Variants in CAGE1 observed in about 807,000 individuals in gnomAD.
The protein encoded by CAGE1 is cancer antigen 1.
A neutral mutation model predicts 94.9 loss-of-function variants in CAGE1; 66 were observed. The observed-to-expected ratio is 0.70, with a 90% CI of 0.57 to 0.85. The LOEUF (loss-of-function observed/expected upper bound fraction) is 0.85, where lower values mean the gene tolerates loss of function less well. Ranked by LOEUF, CAGE1 falls within the 40% of genes least tolerant of loss-of-function variation. CAGE1 has a pLI of 0.00. For missense variants in CAGE1, 865 were observed against 950.4 expected, an observed-to-expected ratio of 0.91 and a Z score of 1.18; for synonymous variants, 319 against 321.0, an observed-to-expected ratio of 0.99 and a Z score of 0.07.
At chr6:7,345,450 G>A (rs1759440655) in intron 11 of CAGE1, among the ~76,000 whole-genome samples, 1 of 152,188 alleles carries the variant, frequency 6.6e-6, no homozygotes, top group East Asian at 1.9e-4. Context: ...TTCTTGAAGT[G>A]AGACCAAGTA....
chr6:7,381,509 T>C (rs1041031125), intron 3 of CAGE1, among the ~76,000 whole-genome samples: 1 of 151,254 alleles, frequency 6.6e-6, no homozygotes, highest in African/African-American at 2.4e-5. Flanking sequence ...CTAATACATA[T>C]ACTTTGCCTG....
At chr6:7,366,943 T>C (rs530444920) in intron 7 of CAGE1, among the ~76,000 whole-genome samples, 1 of 152,334 alleles carries the variant, frequency 6.6e-6, no homozygotes, top group East Asian at 1.9e-4. Context: ...TATAATCATT[T>C]CTTATTTATT....
At chr6:7,386,576 T>C (rs1382314028) in intron 2 of CAGE1, among the ~76,000 whole-genome samples, 2 of 152,166 alleles carry the variant, frequency 1.3e-5, no homozygotes, top group East Asian at 3.9e-4. Flanking sequence ...CACTCCTGGC[T>C]AGAAAGGATC....
chr6:7,367,278 A>ATT (rs70978961), intron 7 of CAGE1, among the ~76,000 whole-genome samples: 12 of 111,220 alleles, frequency 1.1e-4, no homozygotes, highest in South Asian at 3.0e-4. Flanking sequence ...TATTTGGGGG[A>ATT]TTTTTTTTTT....
At position 7,373,473 on chromosome 6, in the gene CAGE1, T is replaced by G. The variant is rs565404738; in HGVS notation, c.1346A>C (p.Glu449Ala). The change falls in exon 5 of 14, where the codon GAA becomes GCA. Residue 449 changes from glutamate to alanine, a missense_variant. Transcript: ENST00000502583. ...LEMDKTLSKKEEEVERLQQLK... is the reference protein window; with the variant it reads ...LEMDKTLSKKAEEVERLQQLK... ...TTGTTGTAGTCTCTCTACCTCTTCT[T>G]CTTTCTTGCTTAAGGTTTTGTCCAT... The G allele has an allele frequency of 1.2e-4, 194 of 1,613,952 alleles. 3 individuals are homozygous for G. In the East Asian group the frequency reaches 4.3e-3, roughly 36 times the overall value.
intron 11 of CAGE1, among the ~76,000 whole-genome samples, chr6:7,335,484 G>T (rs1251831605): frequency 1.3e-5 from 2 of 152,220 alleles, no homozygotes; most frequent in African/African-American, 4.8e-5. Context: ...ACACTCCTAG[G>T]CCCTGCCTAA....
At chr6:7,371,958 A>G (rs1760551850) in intron 5 of CAGE1, among the ~76,000 whole-genome samples, 1 of 151,612 alleles carries the variant, frequency 6.6e-6, no homozygotes, top group Non-Finnish European at 1.5e-5. Context: ...CACTTCCAGA[A>G]TGTGTTTCCA....
chr6:7,341,662 ATCAAC>A, intron 11 of CAGE1: 1 of 730,462 alleles, frequency 1.4e-6, no homozygotes, highest in Non-Finnish European at 2.6e-6. Flanking sequence ...GTGGACAGGA[ATCAAC>A]TCAACCTTCA....
chr6:7,387,233 CAA>C (rs756936066), intron 1 of CAGE1, 37 bp from the exon 2 acceptor site: 18 of 1,269,960 alleles, frequency 1.4e-5, no homozygotes, highest in Non-Finnish European at 1.7e-5. Flanking sequence ...TAGGTATAAA[CAA>C]AAAGTTTTTT....
At chr6:7,340,034 C>A (rs1237035786) in intron 11 of CAGE1, among the ~76,000 whole-genome samples, 1 of 152,170 alleles carries the variant, frequency 6.6e-6, no homozygotes, top group Non-Finnish European at 1.5e-5. Context: ...ACTTTTCCAC[C>A]AGCAGTGTAG....
At chr6:7,385,035 C>A (rs899542924) in intron 3 of CAGE1, among the ~76,000 whole-genome samples, 6 of 151,228 alleles carry the variant, frequency 4.0e-5, no homozygotes, top group African/African-American at 1.5e-4. Flanking sequence ...GATGGAGTTT[C>A]GCTCTTGTTG....
At chr6:7,356,895 C>G (rs1248483891) in intron 9 of CAGE1, among the ~76,000 whole-genome samples, 1 of 152,166 alleles carries the variant, frequency 6.6e-6, no homozygotes, top group Non-Finnish European at 1.5e-5. Flanking sequence ...CTCCCAGGTT[C>G]AAGCAATTCT....
At chr6:7,367,136 A>G (rs1400444336) in intron 7 of CAGE1, among the ~76,000 whole-genome samples, 2 of 152,148 alleles carry the variant, frequency 1.3e-5, no homozygotes, top group Non-Finnish European at 2.9e-5. Flanking sequence ...CAATGTCATT[A>G]TATCCTCAAT....
chr6:7,383,147 G>A (rs531620570), intron 3 of CAGE1, among the ~76,000 whole-genome samples: 5 of 152,142 alleles, frequency 3.3e-5, no homozygotes, highest in African/African-American at 9.7e-5. Flanking sequence ...CCCTCCTGTC[G>A]TCATTTAAGA....
chr6:7,345,442 C>G (rs984580024), intron 11 of CAGE1, among the ~76,000 whole-genome samples: 1 of 152,190 alleles, frequency 6.6e-6, no homozygotes, highest in Non-Finnish European at 1.5e-5. Context: ...TGGTTTCATT[C>G]TTGAAGTGAG....
At position 7,360,380 on chromosome 6, in the gene CAGE1, G is replaced by C. The variant is rs147362222; in HGVS notation, c.2194-4251C>G. On this transcript the variant is annotated intron_variant, in intron 9 of 13. Transcript: ENST00000502583. ...GTGGCCTGGCCATAAGGTGAAGCCA[G>C]GGTATTTAGCTCTATCTAGGTCGTA... Among the ~76,000 whole-genome samples the C allele has an allele frequency of 2.8e-3, 423 of 152,274 alleles. 4 individuals are homozygous for C. The highest frequency in any genetic ancestry group is 9.4e-3 in the African/African-American group (391 of 41,562).
chr6:7,381,550 T>TTTTTACA (rs1760931296), intron 3 of CAGE1, among the ~76,000 whole-genome samples: 1 of 151,064 alleles, frequency 6.6e-6, no homozygotes. Flanking sequence ...TTTTTTTTTT[T>TTTTTACA]GAGACAGAGT....
chr6:7,345,042 AG>A (rs1759379554), intron 11 of CAGE1, among the ~76,000 whole-genome samples: 1 of 152,224 alleles, frequency 6.6e-6, no homozygotes, highest in Non-Finnish European at 1.5e-5. Flanking sequence ...TGCCCAAGCC[AG>A]CAGCGGCAGA....
In CAGE1 at chr6:7,370,069, C is replaced by T. The variant is rs1308193506; in HGVS notation, c.1747-4G>A. 6.3e-7 allele frequency: 1 copy of T among 1,587,038 alleles called. No homozygotes were observed. The highest frequency in any genetic ancestry group is 1.9e-5 in the Admixed American group (1 of 54,010). ...TAGAATGTGTCGTTTTTGTATCCTA[C>T]ATGCACGTAATTCAGATTTGTCAAA... On this transcript the variant is annotated splice_region_variant and splice_polypyrimidine_tract_variant and intron_variant, in intron 5 of 13. Coordinates refer to ENST00000502583, the MANE Select transcript of CAGE1 (RefSeq NM_001170692.2).
Sources: gnomAD v4.1 joint callset for allele counts (sites outside exome capture counted in the v4.1 genomes callset) on GRCh38, gnomAD v4.1.1 for gene constraint, MANE v1.5 for transcripts, NCBI Gene and HGNC (gene_info 2026-07-23, HGNC 2026-07-21) for gene names.